DGKI: variants seen among roughly 807,000 people sequenced by gnomAD.
The protein encoded by DGKI is DAG kinase iota.
A neutral mutation model predicts 147.5 loss-of-function variants in DGKI; 55 were observed. The ratio of observed to expected loss-of-function variants is 0.37; its 90% CI spans 0.30 to 0.47. The LOEUF (loss-of-function observed/expected upper bound fraction) is 0.47. Ranked by LOEUF, DGKI falls within the 20% of genes least tolerant of loss-of-function variation. The pLI is 1.00. For synonymous variants in DGKI, 469 were observed against 477.1 expected (o/e 0.98, Z 0.22); for missense variants, 1,007 against 1,323.8 (o/e 0.76, Z 3.71).
At chr7:137,595,512 A>G (rs1292070142) in intron 12 of DGKI, among the ~76,000 whole-genome samples, 3 of 151,814 alleles carry the variant, frequency 2.0e-5, no homozygotes, top group African/African-American at 4.8e-5. Context: ...CTATTCTTCT[A>G]TTTTTTCATT....
At chr7:137,815,240 C>T (rs1006863458) in intron 1 of DGKI, among the ~76,000 whole-genome samples, 1 of 152,100 alleles carries the variant, frequency 6.6e-6, no homozygotes, top group African/African-American at 2.4e-5. Flanking sequence ...ATGTGCCACC[C>T]GAGAGGAGGG....
At chr7:137,657,862 C>A in intron 3 of DGKI, among the ~76,000 whole-genome samples, 1 of 152,344 alleles carries the variant, frequency 6.6e-6, no homozygotes, top group East Asian at 1.9e-4. Context: ...AATGCAGCCT[C>A]ATAGGTCTTG....
chr7:137,592,557 G>A (rs1488022831), intron 12 of DGKI, among the ~76,000 whole-genome samples: 3 of 152,208 alleles, frequency 2.0e-5, no homozygotes, highest in Non-Finnish European at 4.4e-5. Context: ...ATAAGGGGTG[G>A]CTGAAGGGTG....
chr7:137,560,490 T>C (rs1053979115), intron 19 of DGKI, among the ~76,000 whole-genome samples: 5 of 152,122 alleles, frequency 3.3e-5, no homozygotes, highest in Non-Finnish European at 5.9e-5. Context: ...AGAAAACCAC[T>C]GTGGTGGGCA....
chr7:137,649,427 C>A (rs1282130689), intron 5 of DGKI, among the ~76,000 whole-genome samples: 1 of 152,088 alleles, frequency 6.6e-6, no homozygotes, highest in Non-Finnish European at 1.5e-5. Context: ...GCTTCTAACA[C>A]CATAAAACCT....
chr7:137,494,984 G>A (rs1475534768), intron 21 of DGKI, among the ~76,000 whole-genome samples: 1 of 151,976 alleles, frequency 6.6e-6, no homozygotes, highest in Admixed American at 6.6e-5. Context: ...ACAGAAAAAA[G>A]CAGGGGTTGC....
At chr7:137,834,741 C>G (rs1798314055) in intron 1 of DGKI, among the ~76,000 whole-genome samples, 1 of 152,230 alleles carries the variant, frequency 6.6e-6, no homozygotes, top group Non-Finnish European at 1.5e-5. Flanking sequence ...TATAGATACA[C>G]ATAAGTTTCA....
At chr7:137,436,777 C>A (rs1235356166) in intron 28 of DGKI, among the ~76,000 whole-genome samples, 1 of 148,240 alleles carries the variant, frequency 6.7e-6, no homozygotes, top group African/African-American at 2.6e-5. Flanking sequence ...TCAAATCTAG[C>A]AATGTATAAA....
At chr7:137,613,111 AC>A (rs1419991991) in intron 8 of DGKI, among the ~76,000 whole-genome samples, 1 of 152,122 alleles carries the variant, frequency 6.6e-6, no homozygotes, top group Non-Finnish European at 1.5e-5. Flanking sequence ...AAACTTAACT[AC>A]CTCTTATTAA....
chr7:137,737,113 T>C (rs1219274117), intron 1 of DGKI, among the ~76,000 whole-genome samples: 4 of 151,104 alleles, frequency 2.6e-5, no homozygotes, highest in Admixed American at 6.6e-5. Flanking sequence ...ATCATAAACA[T>C]TGAAATACTT....
chr7:137,722,533 C>T (rs1794596350), intron 1 of DGKI: 15 of 1,606,536 alleles, frequency 9.3e-6, no homozygotes, highest in Middle Eastern at 1.7e-4. Context: ...GGTCCTCAAT[C>T]GAGTTCCTCT....
chr7:137,792,154 G>T (rs893125829), intron 1 of DGKI, among the ~76,000 whole-genome samples: 2 of 152,120 alleles, frequency 1.3e-5, no homozygotes, highest in Non-Finnish European at 2.9e-5. Context: ...ACACAGACAG[G>T]GGGAGCCGGC....
chr7:137,396,215 C>T (rs1811546318), intron 31 of DGKI, among the ~76,000 whole-genome samples: 1 of 152,206 alleles, frequency 6.6e-6, no homozygotes, highest in Non-Finnish European at 1.5e-5. Flanking sequence ...ACCCACTCTG[C>T]TCTATCCACT....
intron 1 of DGKI, among the ~76,000 whole-genome samples, chr7:137,716,231 C>G (rs1391358617): frequency 1.3e-5 from 2 of 152,230 alleles, no homozygotes. Context: ...ATTCTTACAA[C>G]TGTCTTATTG....
At chr7:137,513,306 G>C (rs1816639901) in intron 21 of DGKI, among the ~76,000 whole-genome samples, 1 of 152,064 alleles carries the variant, frequency 6.6e-6, no homozygotes, top group Non-Finnish European at 1.5e-5. Context: ...TTGCTCACCA[G>C]GTTCCATCTT....
At chr7:137,546,021 G>A (rs2128963322) in intron 20 of DGKI, 1 of 693,862 alleles carries the variant, frequency 1.4e-6, no homozygotes, top group South Asian at 1.5e-5. Flanking sequence ...GGACAGACAA[G>A]GAACAAGCCA....
intron 24 of DGKI, among the ~76,000 whole-genome samples, chr7:137,467,528 T>C (rs760987751): frequency 1.3e-5 from 2 of 152,192 alleles, no homozygotes; most frequent in Admixed American, 1.3e-4. Context: ...AGAGACCATA[T>C]GTGGTCTTAA....
chr7:137,671,652 T>C (rs148653701), intron 3 of DGKI, among the ~76,000 whole-genome samples: 60 of 152,354 alleles, frequency 3.9e-4, no homozygotes, highest in African/African-American at 1.3e-3. Flanking sequence ...GAGCAGAACT[T>C]GCATTTTTAT....
At chr7:137,443,058 C>T (rs562443782) in intron 28 of DGKI, among the ~76,000 whole-genome samples, 2 of 151,976 alleles carry the variant, frequency 1.3e-5, no homozygotes, top group Non-Finnish European at 2.9e-5. Flanking sequence ...TGGTGAGCTC[C>T]AGAAATTTGA....
Sources: allele counts gnomAD v4.1 joint callset (sites outside exome capture counted in the v4.1 genomes callset), GRCh38; gene constraint gnomAD v4.1.1; transcripts MANE v1.5; gene names NCBI Gene and HGNC (gene_info 2026-07-23, HGNC 2026-07-21).